The following TSC2 variants were observed in gnomAD, a reference collection of about 807,000 sequenced individuals.
TSC2 encodes the protein TSC complex subunit 2.
In TSC2, 29 loss-of-function variants were observed where a neutral mutation model predicts 202.2. The observed-to-expected ratio is 0.14, with a 90% confidence interval of 0.11 to 0.20. TSC2 has a LOEUF of 0.20. Among genes scored for constraint, TSC2 ranks in the 10% least tolerant of loss-of-function variants. The pLI is 1.00. For synonymous variants in TSC2, 1,349 were observed against 1,044.0 expected (o/e 1.29, Z -5.63); for missense variants, 2,429 against 2,420.0 (o/e 1.00, Z -0.08).
chr16:2,069,387 G>A (rs1029527053), intron 16 of TSC2, among the ~76,000 whole-genome samples: 4 of 152,132 alleles, frequency 2.6e-5, no homozygotes, highest in Non-Finnish European at 5.9e-5. Flanking sequence ...CGCAATCTTG[G>A]TTCACTGCAA....
chr16:2,077,267 G>C, intron 25 of TSC2: 1 of 383,130 alleles, frequency 2.6e-6, no homozygotes, highest in East Asian at 6.1e-5. Context: ...GCGGGTGGGT[G>C]GGATTGCCTG....
At chr16:2,087,292 C>T (rs1000383530) in intron 38 of TSC2, 29 of 349,658 alleles carry the variant, frequency 8.3e-5, no homozygotes, top group Admixed American at 6.1e-4. Context: ...TGTCACAGCA[C>T]GGTCCGGGTG....
chr16:2,054,148 G>A, intron 4 of TSC2, 148 bp from the exon 5 acceptor site: 1 of 1,274,368 alleles, frequency 7.8e-7, no homozygotes, highest in African/African-American at 1.5e-5. Flanking sequence ...CAATGCTGAT[G>A]CTGCAGACCT....
chr16:2,054,232 A>T, intron 4 of TSC2, 64 bp from the exon 5 acceptor site: 1 of 1,612,544 alleles, frequency 6.2e-7, no homozygotes. Context: ...CACTTCAGGG[A>T]CTTCTTGGCA....
At chr16:2,066,562 T>G (rs940287595) in intron 16 of TSC2, 1 of 152,130 alleles carries the variant, frequency 6.6e-6, no homozygotes. Flanking sequence ...TAGTCTGCAT[T>G]TGGTGTTTCA....
At chr16:2,070,153 C>T (rs755529941) in intron 16 of TSC2, among the ~76,000 whole-genome samples, 5 of 152,250 alleles carry the variant, frequency 3.3e-5, no homozygotes, top group African/African-American at 7.2e-5. Flanking sequence ...CACCTGGGAT[C>T]GCCCTGCAGC....
chr16:2,071,246 C>T, intron 17 of TSC2: 1 of 560,690 alleles, frequency 1.8e-6, no homozygotes, highest in Non-Finnish European at 3.2e-6. Flanking sequence ...CCATCCCTTC[C>T]ATCCCAGGCG....
rs2085514413 is a variant in TSC2, at chr16:2,054,427, G to A, written c.468G>A (p.Leu156=). The A allele has an allele frequency of 6.2e-7, 1 of 1,614,226 alleles. No homozygotes were observed. The highest frequency in any genetic ancestry group is 8.5e-7 in the Non-Finnish European group (1 of 1,180,042). Residue 156 remains leucine, a synonymous_variant, in exon 5 of 42, where the codon TTG becomes TTA. Coordinates refer to ENST00000219476, the MANE Select transcript of TSC2 (RefSeq NM_000548.5). ...ACAATGGGAGACACATCACCTACTT[G>A]GAGGAAGAGCTGGGTGGGTGCCACC... ...LTDNGRHITY[L]EEELADFVLQ...
At position 2,083,781 on chromosome 16, in the gene TSC2, C is replaced by G. The variant is rs549060036; in HGVS notation, c.3970C>G (p.Leu1324Val). 1 of 1,611,514 alleles carries G rather than the reference C, an allele frequency of 6.2e-7. No homozygotes were observed. Among genetic ancestry groups the G allele is most frequent in the Admixed American group, 1.7e-5 (1 of 59,862 alleles). ...AGGGTTGGAGGACGTTGAGGCAGCGCTAGGCATGGACAGGCGCACGGATGC... is the reference window on the plus strand; with the variant it reads ...AGGGTTGGAGGACGTTGAGGCAGCGGTAGGCATGGACAGGCGCACGGATGC... ...PPGLEDVEAALGMDRRTDAYS... is the reference protein window; with the variant it reads ...PPGLEDVEAAVGMDRRTDAYS... Residue 1324 changes from leucine to valine, a missense_variant, in exon 33 of 42, where the codon CTA becomes GTA. Leu to Val is a conservative substitution (Grantham distance 32). Transcript: ENST00000219476.
intron 30 of TSC2, chr16:2,080,685 TG>T (rs1567506708): frequency 8.3e-5 from 31 of 373,770 alleles, no homozygotes; most frequent in Admixed American, 1.6e-4. Flanking sequence ...GGGGTTTCAC[TG>T]TGTTAGCCAG....
chr16:2,058,679 C>G, intron 9 of TSC2, 68 bp from the exon 10 acceptor site: 1 of 1,546,240 alleles, frequency 6.5e-7, no homozygotes, highest in Non-Finnish European at 8.7e-7. Context: ...TCGGCAACCT[C>G]ACACATCCAT....
intron 17 of TSC2, among the ~76,000 whole-genome samples, chr16:2,071,176 G>A (rs1042318303): frequency 2.6e-5 from 4 of 152,248 alleles, no homozygotes; most frequent in Non-Finnish European, 5.9e-5. Context: ...GCAGGGCTGG[G>A]AGCTGAGCTC....
chr16:2,081,525 G>A lies in TSC2; in HGVS notation c.3611-70G>A, dbSNP rs529733677. 2.0e-4 allele frequency: 315 copies of A among 1,598,404 alleles called. 3 individuals carry two copies. In the East Asian group the frequency reaches 5.4e-3, roughly 27 times the overall value. On this transcript the variant is annotated intron_variant, in intron 30 of 41. Coordinates refer to ENST00000219476, the MANE Select transcript of TSC2 (RefSeq NM_000548.5). ...GCAAAACCAGGGCCCAGGCCAGGAG[G>A]CCCCTGGGGGGCCAGAGATGGGTAA...
At chr16:2,048,258 C>A in intron 1 of TSC2, 193 bp downstream of exon 1, 1 of 1,297,932 alleles carries the variant, frequency 7.7e-7, no homozygotes, top group Non-Finnish European at 1.1e-6. Context: ...TCCGTGACAG[C>A]TCCTGCTTCA....
At position 2,089,349 on chromosome 16, in the gene TSC2, G is replaced by A. The variant is rs1036227896; in HGVS notation, c.*739G>A. The stretch of plus-strand genomic sequence containing the variant: ...GAACTGGAGAGGTAATAACTTAGGG[G>A]CAGGGTGGCGGCGGTGCAGGCTAAC... On this transcript the variant is annotated 3_prime_UTR_variant, in exon 42 of 42. Coordinates refer to ENST00000219476, the MANE Select transcript of TSC2 (RefSeq NM_000548.5). 23 of 342,308 alleles carry A rather than the reference G, an allele frequency of 6.7e-5. No homozygotes were observed. The highest frequency in any genetic ancestry group is 2.7e-4 in the African/African-American group (13 of 47,960). The allele number at this position is 342,308 out of a possible 1,614,324, so 21.2% of individuals were successfully genotyped here. A position where few individuals can be genotyped will look rare whatever the true frequency, so the allele number is the denominator to read the frequency against.
At position 2,070,277 on chromosome 16, in the gene TSC2, G is replaced by C. The variant is rs576286169; in HGVS notation, c.1717-179G>C. Reference sequence around the variant, plus strand: ...CTGATGATGAGATGGGCACGAGGTTGGGTTTTACTTTTTGCTGCTGTGGAG... The same window carrying C: ...CTGATGATGAGATGGGCACGAGGTTCGGTTTTACTTTTTGCTGCTGTGGAG... On this transcript the variant is annotated intron_variant, in intron 16 of 41. Coordinates refer to ENST00000219476, the MANE Select transcript of TSC2 (RefSeq NM_000548.5). Among the ~76,000 whole-genome samples the C allele has an allele frequency of 2.2e-4, 33 of 152,306 alleles. 1 individual carries two copies. Among genetic ancestry groups the C allele is most frequent in the Middle Eastern group, 3.4e-3 (1 of 294 alleles).
At chr16:2,076,330 G>A in intron 24 of TSC2, 160 bp downstream of exon 24, 1 of 1,561,904 alleles carries the variant, frequency 6.4e-7, no homozygotes, top group South Asian at 1.1e-5. Context: ...GCAGCCTGCA[G>A]GGCTTTGATG....
chr16:2,055,916 T>C, intron 6 of TSC2: 1 of 520,236 alleles, frequency 1.9e-6, no homozygotes, highest in African/African-American at 2.0e-5. Flanking sequence ...AAAAGAGAAG[T>C]ACGTAGCTAT....
chr16:2,086,584 G>A, intron 37 of TSC2, 148 bp from the exon 38 acceptor site: 6 of 1,411,988 alleles, frequency 4.2e-6, no homozygotes, highest in Non-Finnish European at 5.7e-6. Context: ...TGCCCCTGGG[G>A]AGAGCCGAGG....
Sources: gnomAD v4.1 joint callset for allele counts (sites outside exome capture counted in the v4.1 genomes callset) on GRCh38, gnomAD v4.1.1 for gene constraint, MANE v1.5 for transcripts, NCBI Gene and HGNC (gene_info 2026-07-23, HGNC 2026-07-21) for gene names.